RPH3A: variants seen among roughly 807,000 people sequenced by gnomAD.
RPH3A encodes the protein rabphilin-3A.
RPH3A carries 48 observed loss-of-function variants against 102.2 expected under a neutral mutation model. The ratio of observed to expected loss-of-function variants is 0.47; its 90% confidence interval spans 0.37 to 0.60. The LOEUF (loss-of-function observed/expected upper bound fraction) is 0.60. Ranked by LOEUF, RPH3A falls within the 20% of genes least tolerant of loss-of-function variation. The pLI, the probability that RPH3A is intolerant of heterozygous loss-of-function variation, is 0.00. For synonymous variants in RPH3A, 310 were observed against 324.3 expected, an observed-to-expected ratio of 0.96 and a Z score of 0.47; for missense variants, 781 against 910.1, an observed-to-expected ratio of 0.86 and a Z score of 1.83.
intron 2 of RPH3A, among the ~76,000 whole-genome samples, chr12:112,813,592 G>A (rs913483493): frequency 6.6e-6 from 1 of 152,208 alleles, no homozygotes; most frequent in South Asian, 2.1e-4. Flanking sequence ...CCTGTGACTA[G>A]AGACTGTGCT....
chr12:112,595,118 C>T (rs1366543455), intron 1 of RPH3A, among the ~76,000 whole-genome samples: 2 of 152,034 alleles, frequency 1.3e-5, no homozygotes, highest in South Asian at 2.1e-4. Flanking sequence ...CACTTCACCT[C>T]TCTGTGCTTC....
chr12:112,786,936 A>T (rs899910494), upstream of RPH3A, among the ~76,000 whole-genome samples: 1 of 152,076 alleles, frequency 6.6e-6, no homozygotes, highest in African/African-American at 2.4e-5. Context: ...GCTCTCAGGG[A>T]GACTCTTTTC....
At chr12:112,803,473 C>A (rs1255433731) in intron 2 of RPH3A, among the ~76,000 whole-genome samples, 2 of 151,530 alleles carry the variant, frequency 1.3e-5, no homozygotes, top group Admixed American at 1.3e-4. Flanking sequence ...CCTCATGAAG[C>A]CTTGGGAAGG....
At chr12:112,801,215 C>T (rs2041344673) in intron 2 of RPH3A, among the ~76,000 whole-genome samples, 1 of 152,120 alleles carries the variant, frequency 6.6e-6, no homozygotes. Context: ...CTGGAGCTAG[C>T]TAGGCCCATT....
At chr12:112,672,582 T>C (rs1440836319) in intron 1 of RPH3A, among the ~76,000 whole-genome samples, 1 of 152,148 alleles carries the variant, frequency 6.6e-6, no homozygotes, top group Admixed American at 6.5e-5. Flanking sequence ...TGCAGGTGCC[T>C]TGGTGCTCTC....
intron 1 of RPH3A, among the ~76,000 whole-genome samples, chr12:112,748,725 A>T (rs2136059146): frequency 1.3e-5 from 2 of 152,270 alleles, no homozygotes; most frequent in South Asian, 4.1e-4. Context: ...CCTAATGTGT[A>T]GAAAGATTTA....
chr12:112,824,638 A>G (rs1221645866), intron 2 of RPH3A, among the ~76,000 whole-genome samples: 1 of 152,134 alleles, frequency 6.6e-6, no homozygotes, highest in Non-Finnish European at 1.5e-5. Context: ...TAAGCACCAG[A>G]TAAAGAGTCC....
intron 5 of RPH3A, among the ~76,000 whole-genome samples, chr12:112,852,888 G>A (rs2042346393): frequency 6.6e-6 from 1 of 152,200 alleles, no homozygotes; most frequent in Non-Finnish European, 1.5e-5. Context: ...GCCTCTCAAA[G>A]GCATTTGCTC....
intron 2 of RPH3A, among the ~76,000 whole-genome samples, chr12:112,803,380 G>A (rs2041393170): frequency 1.3e-5 from 2 of 152,034 alleles, no homozygotes; most frequent in Admixed American, 6.5e-5. Context: ...GCCCATGGAT[G>A]TCCATGTGCT....
At position 112,776,873 on chromosome 12, in the gene RPH3A, C is replaced by CAAA. The variant is rs548377186; in HGVS notation, c.-139-15234_-139-15232dup. Reference sequence around the variant, plus strand: ...TGGGCGACAGAGTGAGACTCCATCTCAAAAAAAAAAAAAAAAAAAAAAAAA... The same window carrying CAAA: ...TGGGCGACAGAGTGAGACTCCATCTCAAAAAAAAAAAAAAAAAAAAAAAAAAAA... On this transcript the variant is annotated intron_variant, in intron 1 of 21. Transcript: ENST00000543106. Among the ~76,000 whole-genome samples the CAAA allele has an allele frequency of 5.1e-4, 38 of 73,920 alleles. 2 individuals are homozygous for CAAA. The highest frequency in any genetic ancestry group is 9.4e-4 in the African/African-American group (17 of 18,064). The allele number at this position is 73,920 out of a possible 152,430, so 48.5% of individuals were successfully genotyped here.
intron 1 of RPH3A, among the ~76,000 whole-genome samples, chr12:112,655,713 G>T (rs577843646): frequency 2.0e-5 from 3 of 151,760 alleles, no homozygotes; most frequent in Non-Finnish European, 4.4e-5. Flanking sequence ...TGGGATTACA[G>T]GTGCATACCA....
At chr12:112,871,424 C>A (rs2042706223) in intron 10 of RPH3A, among the ~76,000 whole-genome samples, 1 of 152,152 alleles carries the variant, frequency 6.6e-6, no homozygotes, top group Non-Finnish European at 1.5e-5. Flanking sequence ...CTAGGTACTG[C>A]GTATCAGTAG....
At chr12:112,667,672 G>T (rs1332016558) in intron 1 of RPH3A, among the ~76,000 whole-genome samples, 1 of 58,716 alleles carries the variant, frequency 1.7e-5, no homozygotes, top group East Asian at 4.1e-4. Flanking sequence ...AAGAGAGAGA[G>T]AGAGAGAGAG....
chr12:112,642,334 G>T (rs957162659), intron 1 of RPH3A, among the ~76,000 whole-genome samples: 2 of 152,104 alleles, frequency 1.3e-5, no homozygotes, highest in Admixed American at 6.6e-5. Context: ...TTTAAATTGT[G>T]CAAAGTCATA....
At chr12:112,696,172 C>T (rs2040350452) in intron 1 of RPH3A, among the ~76,000 whole-genome samples, 1 of 152,138 alleles carries the variant, frequency 6.6e-6, no homozygotes, top group Non-Finnish European at 1.5e-5. Flanking sequence ...TGTTTTGTTC[C>T]TTTTTATGGC....
chr12:112,727,482 CACACACA>C, intron 1 of RPH3A, among the ~76,000 whole-genome samples: 1 of 114,096 alleles, frequency 8.8e-6, no homozygotes, highest in Non-Finnish European at 1.9e-5. Context: ...CACACACACA[CACACACA>C]CAGACCCCCC....
chr12:112,837,197 T>C (rs546882993), intron 4 of RPH3A, among the ~76,000 whole-genome samples: 1 of 152,232 alleles, frequency 6.6e-6, no homozygotes, highest in Non-Finnish European at 1.5e-5. Flanking sequence ...TCACGGTCCC[T>C]GTGGCCTGGG....
intron 4 of RPH3A, among the ~76,000 whole-genome samples, chr12:112,840,093 C>T (rs1444039082): frequency 6.6e-6 from 1 of 152,196 alleles, no homozygotes; most frequent in Non-Finnish European, 1.5e-5. Flanking sequence ...ATATTAGGGA[C>T]ATCCTTATAA....
At chr12:112,830,013 A>G (rs978798549) in intron 3 of RPH3A, among the ~76,000 whole-genome samples, 5 of 152,104 alleles carry the variant, frequency 3.3e-5, no homozygotes, top group African/African-American at 1.2e-4. Context: ...ATTTAATATC[A>G]CCCTGTCATT....
Sources: gnomAD v4.1 joint callset for allele counts (sites outside exome capture counted in the v4.1 genomes callset) on GRCh38, gnomAD v4.1.1 for gene constraint, MANE v1.5 for transcripts, NCBI Gene and HGNC (gene_info 2026-07-23, HGNC 2026-07-21) for gene names.